The following ASAH2 variants were observed in gnomAD, a reference collection of about 807,000 sequenced individuals.
The protein encoded by ASAH2 is N-acylsphingosine amidohydrolase 2.
Under a neutral mutation model 82.9 loss-of-function variants are expected in ASAH2, and 58 were observed. The observed-to-expected ratio is 0.70, with a 90% CI of 0.57 to 0.87. ASAH2 has a LOEUF of 0.87. ASAH2 is among the 40% of genes least tolerant of loss of function. ASAH2 has a pLI of 0.00. For missense variants in ASAH2, 779 were observed against 834.0 expected, an observed-to-expected ratio of 0.93 and a Z score of 0.81; for synonymous variants, 276 against 289.7, an observed-to-expected ratio of 0.95 and a Z score of 0.48.
At chr10:50,227,394 C>G (rs910905071) in intron 7 of ASAH2, among the ~76,000 whole-genome samples, 2 of 152,012 alleles carry the variant, frequency 1.3e-5, no homozygotes, top group African/African-American at 4.8e-5. Context: ...TTTAAAGCTT[C>G]TAGTGCACAG....
At chr10:50,214,973 C>A in intron 8 of ASAH2, 105 bp from the exon 9 acceptor site, 1 of 1,375,118 alleles carries the variant, frequency 7.3e-7, no homozygotes, top group Non-Finnish European at 1.0e-6. Flanking sequence ...TATTCAAAAT[C>A]ATTTGCAGGC....
intron 4 of ASAH2, among the ~76,000 whole-genome samples, chr10:50,237,822 C>T (rs35313053): frequency 0.24 from 36,365 of 151,976 alleles, 7,017 homozygotes; most frequent in African/African-American, 0.52. Flanking sequence ...GTATGTAACA[C>T]AAAGGATAAA....
At chr10:50,203,616 T>C (rs1218066160) in intron 15 of ASAH2, 24 bp downstream of exon 15, 2 of 1,573,158 alleles carry the variant, frequency 1.3e-6, no homozygotes, top group Non-Finnish European at 1.7e-6. Context: ...AACATGTAGA[T>C]ATGTTATTTT....
At chr10:50,249,142 ACC>A (rs1220550825) in intron 1 of ASAH2, among the ~76,000 whole-genome samples, 1 of 152,124 alleles carries the variant, frequency 6.6e-6, no homozygotes, top group Non-Finnish European at 1.5e-5. Context: ...TGGAGGTGAA[ACC>A]CGTAACTTTG....
Position 50,250,881 on chromosome 10 carries a change from C to A in ASAH2, c.-37+514G>T, listed in dbSNP as rs116324108. 4.0e-3 allele frequency among the ~76,000 whole-genome samples: 602 copies of A among 152,322 alleles called. 6 individuals carry two copies. The highest frequency in any genetic ancestry group is 0.014 in the African/African-American group (585 of 41,576). On this transcript the variant is annotated intron_variant, in intron 1 of 20. Coordinates refer to ENST00000682911, the MANE Select transcript of ASAH2 (RefSeq NM_019893.4). ...CTATTACGTGGACTTGAATGATCTA[C>A]CTCATGTGTTTCATCATTCTGTTTA...
intron 4 of ASAH2, among the ~76,000 whole-genome samples, chr10:50,237,292 C>A (rs909325471): frequency 0.096 from 14,574 of 152,156 alleles, 1,835 homozygotes; most frequent in African/African-American, 0.29. Flanking sequence ...TGTGGAGAAG[C>A]CTAAGTGGAT....
chr10:50,202,906 T>C lies in ASAH2; in HGVS notation c.1684A>G (p.Met562Val). The C allele has an allele frequency of 1.2e-6, 2 of 1,610,286 alleles. No individual in the cohort carries two copies. Among genetic ancestry groups the C allele is most frequent in the Non-Finnish European group, 8.5e-7 (1 of 1,176,924 alleles). Residue 562 changes from methionine to valine, a missense_variant, in exon 16 of 21, where the codon ATG becomes GTG. Met to Val is a conservative substitution (Grantham distance 21, BLOSUM62 1). Coordinates refer to ENST00000682911, the MANE Select transcript of ASAH2 (RefSeq NM_019893.4). Reference protein sequence around the residue: ...AVQAEFASHGMQNMTVVISGL... With the variant: ...AVQAEFASHGVQNMTVVISGL... Reference sequence around the variant, plus strand: ...GAAATAACAACAGTCATGTTCTGCATCCCATGAGATGCAAATTCCTAGGAG... The same window carrying C: ...GAAATAACAACAGTCATGTTCTGCACCCCATGAGATGCAAATTCCTAGGAG...
chr10:50,240,133 A>G (rs1846259387), intron 4 of ASAH2, among the ~76,000 whole-genome samples: 1 of 152,184 alleles, frequency 6.6e-6, no homozygotes, highest in South Asian at 2.1e-4. Context: ...CGGCTGACTC[A>G]CATTTAATTT....
intron 7 of ASAH2, among the ~76,000 whole-genome samples, 162 bp from the exon 8 acceptor site, chr10:50,218,792 A>T (rs894315439): frequency 1.7e-4 from 26 of 152,348 alleles, no homozygotes; most frequent in Non-Finnish European, 3.5e-4. Flanking sequence ...TAAAAATACA[A>T]TGCAAAAAAT....
At chr10:50,241,477 G>A (rs1846292736) in intron 4 of ASAH2, among the ~76,000 whole-genome samples, 1 of 152,032 alleles carries the variant, frequency 6.6e-6, no homozygotes. Context: ...GTCCCCTGAA[G>A]TGACACTAGC....
intron 7 of ASAH2, among the ~76,000 whole-genome samples, chr10:50,224,963 C>G (rs1005888717): frequency 2.0e-5 from 3 of 152,142 alleles, no homozygotes; most frequent in African/African-American, 4.8e-5. Context: ...GCCAGAAGAG[C>G]CCTCCTAAAG....
At chr10:50,194,288 C>T (rs1345689700) in intron 18 of ASAH2, among the ~76,000 whole-genome samples, 1 of 151,398 alleles carries the variant, frequency 6.6e-6, no homozygotes, top group Non-Finnish European at 1.5e-5. Flanking sequence ...TCAGCAACAT[C>T]TAAAAAGGAT....
chr10:50,201,221 C>A (rs921399332), intron 16 of ASAH2, among the ~76,000 whole-genome samples: 2 of 152,030 alleles, frequency 1.3e-5, no homozygotes, highest in African/African-American at 4.8e-5. Flanking sequence ...CTCAATAAAA[C>A]CCTGAATTCA....
At chr10:50,207,365 G>GA (rs1348155108) in intron 12 of ASAH2, among the ~76,000 whole-genome samples, 2 of 151,542 alleles carry the variant, frequency 1.3e-5, no homozygotes, top group Non-Finnish European at 3.0e-5. Flanking sequence ...AAAGAAAACA[G>GA]AAAAATCAAT....
chr10:50,245,133 ATGT>A, intron 3 of ASAH2, 86 bp downstream of exon 3: 1 of 1,091,056 alleles, frequency 9.2e-7, no homozygotes, highest in Non-Finnish European at 1.4e-6. Flanking sequence ...GATAATGATG[ATGT>A]TGTAATAATC....
intron 10 of ASAH2, among the ~76,000 whole-genome samples, chr10:50,212,319 T>G (rs1246994747): frequency 6.6e-6 from 1 of 152,026 alleles, no homozygotes; most frequent in Non-Finnish European, 1.5e-5. Flanking sequence ...TATGTCTCCA[T>G]AGAAGCTGAA....
At chr10:50,248,446 G>A in intron 2 of ASAH2, 38 bp downstream of exon 2, 1 of 1,606,598 alleles carries the variant, frequency 6.2e-7, no homozygotes, top group Non-Finnish European at 8.5e-7. Flanking sequence ...TTTCATACAG[G>A]CCTAAAAATT....
chr10:50,213,139 G>A (rs1389976780), intron 9 of ASAH2, 81 bp from the exon 10 acceptor site: 11 of 1,268,336 alleles, frequency 8.7e-6, no homozygotes, highest in Non-Finnish European at 1.3e-5. Context: ...CTGAATCTAA[G>A]CAAATAGATT....
intron 16 of ASAH2, among the ~76,000 whole-genome samples, chr10:50,199,492 A>G (rs1845083442): frequency 6.6e-6 from 1 of 151,548 alleles, no homozygotes; most frequent in Non-Finnish European, 1.5e-5. Context: ...AGAAAAATAA[A>G]ACAAAATAAA....
Sources: gnomAD v4.1 joint callset for allele counts (sites outside exome capture counted in the v4.1 genomes callset) on GRCh38, gnomAD v4.1.1 for gene constraint, MANE v1.5 for transcripts, NCBI Gene and HGNC (gene_info 2026-07-23, HGNC 2026-07-21) for gene names.